The following CTNND2 variants were observed in gnomAD, a reference collection of about 807,000 sequenced individuals.
The protein encoded by CTNND2 is catenin delta 2.
In CTNND2, 22 loss-of-function variants were observed where a neutral mutation model predicts 144.4. That is an observed-to-expected ratio of 0.15 (90% CI 0.11 to 0.22). The LOEUF (loss-of-function observed/expected upper bound fraction) is 0.22, where lower values mean the gene tolerates loss of function less well. CTNND2 is among the 10% of genes least tolerant of loss of function. CTNND2 has a pLI of 1.00. For synonymous variants in CTNND2, 751 were observed against 695.6 expected (o/e 1.08, Z -1.25); for missense variants, 1,353 against 1,618.8 (o/e 0.84, Z 2.82).
chr5:11,258,305 G>C (rs1209937920), intron 9 of CTNND2, among the ~76,000 whole-genome samples: 1 of 152,180 alleles, frequency 6.6e-6, no homozygotes, highest in Non-Finnish European at 1.5e-5. Context: ...CATTTGGAGG[G>C]GCTGGATGGG....
chr5:11,786,718 TTTTG>T (rs151135823), intron 1 of CTNND2, among the ~76,000 whole-genome samples: 14,459 of 152,124 alleles, frequency 0.095, 1,846 homozygotes, highest in African/African-American at 0.29. Context: ...TCCTTTAGTT[TTTTG>T]TTTGTTTGTT....
chr5:11,539,040 G>A (rs1336732544), intron 3 of CTNND2, among the ~76,000 whole-genome samples: 2 of 151,892 alleles, frequency 1.3e-5, no homozygotes, highest in Non-Finnish European at 2.9e-5. Flanking sequence ...ATTAATTGTT[G>A]CTCCCCAGAT....
chr5:11,815,883 G>A (rs1272336830), intron 1 of CTNND2, among the ~76,000 whole-genome samples: 3 of 152,134 alleles, frequency 2.0e-5, no homozygotes, highest in Non-Finnish European at 2.9e-5. Flanking sequence ...AACTTTGTGG[G>A]AGCAGAGAAA....
At chr5:11,430,872 T>C (rs1245699531) in intron 3 of CTNND2, among the ~76,000 whole-genome samples, 1 of 152,204 alleles carries the variant, frequency 6.6e-6, no homozygotes, top group African/African-American at 2.4e-5. Flanking sequence ...ATAGGGGTCA[T>C]ACCTTATATC....
intron 3 of CTNND2, among the ~76,000 whole-genome samples, chr5:11,543,361 C>T (rs546869132): frequency 1.1e-4 from 17 of 152,234 alleles, no homozygotes; most frequent in South Asian, 4.1e-4. Context: ...GGCTTCAGGG[C>T]GGAAGACATT....
At chr5:11,370,035 C>T (rs954945660) in intron 7 of CTNND2, among the ~76,000 whole-genome samples, 5 of 152,010 alleles carry the variant, frequency 3.3e-5, no homozygotes, top group Non-Finnish European at 5.9e-5. Flanking sequence ...ATTGATTGGA[C>T]GAATGAAAGG....
intron 1 of CTNND2, among the ~76,000 whole-genome samples, chr5:11,762,005 T>C (rs1479361279): frequency 6.6e-6 from 1 of 152,148 alleles, no homozygotes; most frequent in East Asian, 1.9e-4. Context: ...AGAGAAAAAA[T>C]TGTGTTATCC....
At chr5:11,500,746 G>A (rs560777983) in intron 3 of CTNND2, among the ~76,000 whole-genome samples, 2 of 152,270 alleles carry the variant, frequency 1.3e-5, no homozygotes, top group East Asian at 3.9e-4. Context: ...TACACATACT[G>A]AACACCACGC....
At chr5:11,085,531 T>G (rs1244803994) in intron 15 of CTNND2, among the ~76,000 whole-genome samples, 2 of 152,180 alleles carry the variant, frequency 1.3e-5, no homozygotes, top group Admixed American at 1.3e-4. Flanking sequence ...CTCCTCTTCC[T>G]GGGGAGAGGC....
intron 18 of CTNND2, among the ~76,000 whole-genome samples, chr5:11,002,981 G>C (rs530169976): frequency 1.3e-5 from 2 of 152,230 alleles, no homozygotes; most frequent in South Asian, 4.2e-4. Context: ...ATAATGACTA[G>C]GACACTGTTG....
intron 7 of CTNND2, among the ~76,000 whole-genome samples, chr5:11,372,406 G>C (rs2149783286): frequency 6.6e-6 from 1 of 152,308 alleles, no homozygotes; most frequent in South Asian, 2.1e-4. Flanking sequence ...TGGTAACGGA[G>C]TATAATGAGT....
intron 5 of CTNND2, among the ~76,000 whole-genome samples, chr5:11,398,285 T>A (rs2149817401): frequency 6.6e-6 from 1 of 152,346 alleles, no homozygotes; most frequent in East Asian, 1.9e-4. Context: ...TGAGCAAATT[T>A]CAAGTTCCTT....
At chr5:11,154,249 G>A (rs1023336232) in intron 12 of CTNND2, among the ~76,000 whole-genome samples, 6 of 152,140 alleles carry the variant, frequency 3.9e-5, no homozygotes, top group East Asian at 1.9e-4. Flanking sequence ...GTTCAATGTC[G>A]GGAGGAAAAG....
rs529715601 is a variant in CTNND2 at position 11,280,351 on chromosome 5, T to C, written c.1629-43528A>G. ...TCTGCTGCCACACAAAATACCAGAC[T>C]GGGTGGATTTAACAACAGAAATGCA... On this transcript the variant is annotated intron_variant, in intron 9 of 21. Transcript: ENST00000304623. Among the ~76,000 whole-genome samples, 4 of 152,318 alleles carry C rather than the reference T, an allele frequency of 2.6e-5. No homozygotes were observed. The South Asian group carries it at 6.2e-4, about 24-fold the overall frequency.
intron 2 of CTNND2, among the ~76,000 whole-genome samples, chr5:11,726,071 C>T (rs997121034): frequency 1.3e-5 from 2 of 152,092 alleles, no homozygotes; most frequent in Non-Finnish European, 2.9e-5. Context: ...ATTTTCCAAG[C>T]GAATTTTTAA....
chr5:11,135,735 C>T (rs927914955), intron 12 of CTNND2, among the ~76,000 whole-genome samples: 1 of 152,062 alleles, frequency 6.6e-6, no homozygotes, highest in Non-Finnish European at 1.5e-5. Flanking sequence ...CTTTATTTTC[C>T]ACATGGACAC....
chr5:11,262,539 G>A (rs1383618871), intron 9 of CTNND2, among the ~76,000 whole-genome samples: 2 of 151,948 alleles, frequency 1.3e-5, no homozygotes, highest in African/African-American at 4.8e-5. Flanking sequence ...GAGGCGGGTG[G>A]ATCACGAGGT....
chr5:11,418,704 C>A (rs1244986742), intron 3 of CTNND2, among the ~76,000 whole-genome samples: 1 of 152,178 alleles, frequency 6.6e-6, no homozygotes, highest in Non-Finnish European at 1.5e-5. Flanking sequence ...CACCTGGTTA[C>A]TACTTGGATA....
At chr5:11,202,723 C>G (rs1737591173) in intron 10 of CTNND2, among the ~76,000 whole-genome samples, 1 of 152,180 alleles carries the variant, frequency 6.6e-6, no homozygotes, top group African/African-American at 2.4e-5. Context: ...CTGTGCGTGG[C>G]TCTGATGCTG....
Sources: gnomAD v4.1 joint callset for allele counts (sites outside exome capture counted in the v4.1 genomes callset) on GRCh38, gnomAD v4.1.1 for gene constraint, MANE v1.5 for transcripts, NCBI Gene and HGNC (gene_info 2026-07-23, HGNC 2026-07-21) for gene names.